INPP5A: variants seen among roughly 807,000 people sequenced by gnomAD.
INPP5A encodes 43 kDa inositol polyphosphate 5-phophatase.
A neutral mutation model predicts 65.2 loss-of-function variants in INPP5A; 14 were observed. The observed-to-expected ratio is 0.21, with a 90% CI of 0.14 to 0.34. The LOEUF (loss-of-function observed/expected upper bound fraction) is 0.34, where lower values mean the gene tolerates loss of function less well. INPP5A is among the 10% of genes least tolerant of loss of function. INPP5A has a pLI of 1.00. For synonymous variants in INPP5A, 207 were observed against 208.3 expected (o/e 0.99, Z 0.05); for missense variants, 431 against 545.6 (o/e 0.79, Z 2.09).
rs1256188746 is a variant in INPP5A, at chr10:132,674,887, C to T, written c.307-15505C>T. On this transcript the variant is annotated intron_variant, in intron 4 of 15. Coordinates refer to ENST00000368594, the MANE Select transcript of INPP5A (RefSeq NM_005539.5). The surrounding 1 kb of genome is among the most constrained non-coding windows in gnomAD (Gnocchi z 4.4). ...GGGCCTCACTCCAAAATCCTAGAGG[C>T]CTCCGCTGTGATTCACCTATGGGGA... 6.6e-6 allele frequency among the ~76,000 whole-genome samples: 1 copy of T among 152,218 alleles called. No individual in the cohort carries two copies. The highest frequency in any genetic ancestry group is 1.5e-5 in the Non-Finnish European group (1 of 68,042).
At chr10:132,722,014 G>A (rs992464102) in intron 8 of INPP5A, among the ~76,000 whole-genome samples, 4 of 152,204 alleles carry the variant, frequency 2.6e-5, no homozygotes, top group Non-Finnish European at 5.9e-5. Flanking sequence ...TTTATTTAAA[G>A]TGGCTTAAAC....
chr10:132,757,635 A>T (rs747119601), intron 11 of INPP5A, among the ~76,000 whole-genome samples: 5 of 152,276 alleles, frequency 3.3e-5, no homozygotes, highest in Non-Finnish European at 7.3e-5. Flanking sequence ...CTTGCCAAAC[A>T]GCCTGGAAGG....
intron 8 of INPP5A, among the ~76,000 whole-genome samples, chr10:132,717,051 G>A (rs916554966): frequency 6.6e-5 from 10 of 152,326 alleles, no homozygotes; most frequent in Admixed American, 5.9e-4. Flanking sequence ...CCCGCCCACC[G>A]CAACACAACT....
chr10:132,606,063 C>T (rs530250098), intron 1 of INPP5A, among the ~76,000 whole-genome samples: 4 of 152,220 alleles, frequency 2.6e-5, no homozygotes, highest in Middle Eastern at 3.4e-3. Flanking sequence ...ACACAGTGAA[C>T]GGTGTGTCCA....
chr10:132,646,191 C>G (rs1215139100), intron 3 of INPP5A, among the ~76,000 whole-genome samples: 1 of 152,198 alleles, frequency 6.6e-6, no homozygotes, highest in African/African-American at 2.4e-5. Flanking sequence ...AGCCTGCTGC[C>G]TCCACACGGC....
At position 132,714,546 on chromosome 10, in the gene INPP5A, C is replaced by T. The variant is rs954289299; in HGVS notation, c.647+4090C>T. Among the ~76,000 whole-genome samples the T allele has an allele frequency of 7.2e-5, 11 of 152,288 alleles. No individual in the cohort carries two copies. The South Asian group carries it at 1.0e-3, about 14-fold the overall frequency. On this transcript the variant is annotated intron_variant, in intron 8 of 15. Coordinates refer to ENST00000368594, the MANE Select transcript of INPP5A (RefSeq NM_005539.5). ...GCCTCTTCCTGGTTTAATCTCCCCG[C>T]GCGGCTTCCCAGGTCCATGTCCCGT...
In INPP5A at chr10:132,669,421, C is replaced by T. The variant is rs116675332; in HGVS notation, c.306+18916C>T. On this transcript the variant is annotated intron_variant, in intron 4 of 15. Coordinates refer to ENST00000368594, the MANE Select transcript of INPP5A (RefSeq NM_005539.5). ...CAATGCAGGCTCCTATTCTTAACCT[C>T]AAGGCTTTCTATGTAGCACGTCCTC... Among the ~76,000 whole-genome samples, 493 of 152,250 alleles carry T rather than the reference C, an allele frequency of 3.2e-3. 3 individuals carry two copies. Among genetic ancestry groups the T allele is most frequent in the African/African-American group, 0.011 (444 of 41,544 alleles).
At chr10:132,719,885 G>T (rs1242257680) in intron 8 of INPP5A, among the ~76,000 whole-genome samples, 1 of 150,614 alleles carries the variant, frequency 6.6e-6, no homozygotes, top group South Asian at 2.1e-4. Flanking sequence ...TTAGACGGCT[G>T]TCTTCAGGGT....
chr10:132,725,572 C>T (rs560904653), intron 8 of INPP5A, among the ~76,000 whole-genome samples: 1 of 152,352 alleles, frequency 6.6e-6, no homozygotes, highest in East Asian at 1.9e-4. Context: ...GTTGGGCCCC[C>T]TGCCTCCCGG....
At chr10:132,749,483 C>T in intron 9 of INPP5A, 34 bp from the exon 10 acceptor site, 1 of 1,602,688 alleles carries the variant, frequency 6.2e-7, no homozygotes. Flanking sequence ...GGTGGGCCCC[C>T]CTGGGACTTA....
At chr10:132,688,616 AGT>A (rs1186213888) in intron 4 of INPP5A, among the ~76,000 whole-genome samples, 1 of 149,762 alleles carries the variant, frequency 6.7e-6, no homozygotes, top group Non-Finnish European at 1.5e-5. Flanking sequence ...CAAGTGTGTG[AGT>A]GTGAGCAAGT....
Position 132,545,656 on chromosome 10 carries a change from A to C in INPP5A, c.75+7485A>C, listed in dbSNP as rs78007549. 0.054 allele frequency among the ~76,000 whole-genome samples: 8,277 copies of C among 152,302 alleles called. 284 individuals carry two copies. Among genetic ancestry groups the C allele is most frequent in the Non-Finnish European group, 0.077 (5,271 of 68,022 alleles). On this transcript the variant is annotated intron_variant, in intron 1 of 15. Transcript: ENST00000368594. The surrounding 1 kb of genome is among the most constrained non-coding windows in gnomAD (Gnocchi z 4.6). ...CCATGCGGACCTGAAAGTGCTGTCA[A>C]GTTCCCCCTTCCTTTGCTCGGTTTC...
intron 4 of INPP5A, among the ~76,000 whole-genome samples, chr10:132,667,581 C>T (rs1010931958): frequency 2.0e-5 from 3 of 152,222 alleles, no homozygotes; most frequent in African/African-American, 7.2e-5. Context: ...CTTCCTGTCA[C>T]CCCGGACACG....
chr10:132,766,621 G>A (rs957583501), intron 12 of INPP5A, among the ~76,000 whole-genome samples: 3 of 152,242 alleles, frequency 2.0e-5, no homozygotes, highest in African/African-American at 7.2e-5. Context: ...GAGCATGAGT[G>A]AGAACATGTG....
chr10:132,683,459 C>T (rs972623075), intron 4 of INPP5A, among the ~76,000 whole-genome samples: 1 of 152,010 alleles, frequency 6.6e-6, no homozygotes, highest in Admixed American at 6.5e-5. Flanking sequence ...TATATATATG[C>T]ACGCATGTTT....
chr10:132,757,455 G>A (rs1161258210), intron 11 of INPP5A, among the ~76,000 whole-genome samples: 7 of 152,268 alleles, frequency 4.6e-5, no homozygotes, highest in East Asian at 3.8e-4. Context: ...TGCGGTGGTC[G>A]GTGGCCTGCT....
chr10:132,656,256 G>A (rs1251583483), intron 4 of INPP5A, among the ~76,000 whole-genome samples: 3 of 152,342 alleles, frequency 2.0e-5, no homozygotes, highest in Non-Finnish European at 4.4e-5. Flanking sequence ...GTGGGGTCAG[G>A]GTGTGAGAAG....
In INPP5A at chr10:132,546,886, G is replaced by A. The variant is rs1350973859; in HGVS notation, c.75+8715G>A. Among the ~76,000 whole-genome samples the A allele has an allele frequency of 2.0e-5, 3 of 152,270 alleles. No individual in the cohort carries two copies. Among genetic ancestry groups the A allele is most frequent in the Admixed American group, 2.0e-4 (3 of 15,300 alleles). ...CCTGTAGGCACCAGGACTGCACTCT[G>A]GCAGGGGCAGACTCTGTTTCCTGCT... On this transcript the variant is annotated intron_variant, in intron 1 of 15. Coordinates refer to ENST00000368594, the MANE Select transcript of INPP5A (RefSeq NM_005539.5). This position sits in a 1 kb window ranked among gnomAD's most constrained non-coding sequence, Gnocchi z 5.7.
intron 2 of INPP5A, among the ~76,000 whole-genome samples, chr10:132,611,011 G>A (rs1341430666): frequency 6.6e-6 from 1 of 150,558 alleles, no homozygotes; most frequent in Admixed American, 6.6e-5. Context: ...AGGGGAGGGA[G>A]GTGACGTGGG....
Sources: allele counts gnomAD v4.1 joint callset (sites outside exome capture counted in the v4.1 genomes callset), GRCh38; gene constraint gnomAD v4.1.1; non-coding constraint Gnocchi (gnomAD v3.1); transcripts MANE v1.5; gene names NCBI Gene and HGNC (gene_info 2026-07-23, HGNC 2026-07-21).